DCAF8: variants seen among roughly 807,000 people sequenced by gnomAD.
DCAF8 encodes the protein DDB1 and CUL4 associated factor 8, also known as DDB1- and CUL4-associated factor 8.
A neutral mutation model predicts 68.0 loss-of-function variants in DCAF8; 20 were observed. The observed-to-expected ratio is 0.29, with a 90% CI of 0.21 to 0.43. DCAF8 has a LOEUF of 0.43. Ranked by LOEUF, DCAF8 falls within the 20% of genes least tolerant of loss-of-function variation. DCAF8 has a pLI of 1.00. For missense variants in DCAF8, 460 were observed against 771.0 expected (o/e 0.60, Z 4.78); for synonymous variants, 230 against 276.9 (o/e 0.83, Z 1.68).
intron 7 of DCAF8, among the ~76,000 whole-genome samples, chr1:160,228,884 A>C (rs1161126840): frequency 1.3e-5 from 2 of 152,222 alleles, no homozygotes; most frequent in Non-Finnish European, 2.9e-5. Flanking sequence ...AGAAAGGAGA[A>C]ACCTCAAAAC....
intron 2 of DCAF8, among the ~76,000 whole-genome samples, chr1:160,244,372 G>A (rs1279843936): frequency 2.6e-5 from 4 of 152,182 alleles, no homozygotes; most frequent in Admixed American, 6.5e-5. Context: ...GGTACTGCAA[G>A]CCAAGAGTCT....
intron 11 of DCAF8, among the ~76,000 whole-genome samples, chr1:160,221,425 G>A (rs1184816275): frequency 6.6e-6 from 1 of 152,138 alleles, no homozygotes; most frequent in Non-Finnish European, 1.5e-5. Flanking sequence ...CTCTCCATTT[G>A]TATTCAAACC....
intron 4 of DCAF8, chr1:160,239,365 T>C: frequency 7.4e-7 from 1 of 1,354,432 alleles, no homozygotes; most frequent in Non-Finnish European, 9.6e-7. Flanking sequence ...TTGGCCAAGA[T>C]CACTGAGCTA....
At chr1:160,254,717 A>C (rs1352332347) in intron 2 of DCAF8, among the ~76,000 whole-genome samples, 2 of 152,082 alleles carry the variant, frequency 1.3e-5, no homozygotes, top group African/African-American at 4.8e-5. Flanking sequence ...CTTGAACCCG[A>C]GAGGGGAAGG....
intron 2 of DCAF8, among the ~76,000 whole-genome samples, chr1:160,258,686 T>A (rs1656938219): frequency 6.6e-6 from 1 of 151,196 alleles, no homozygotes; most frequent in Admixed American, 6.6e-5. Context: ...TCAGCTGAGG[T>A]GGGAAGATCA....
intron 6 of DCAF8, among the ~76,000 whole-genome samples, chr1:160,236,420 ATG>A (rs1013519530): frequency 4.0e-5 from 6 of 151,302 alleles, no homozygotes; most frequent in African/African-American, 1.5e-4. Context: ...GTGTGTATAT[ATG>A]TGTGTGTGTA....
At chr1:160,250,190 G>A (rs1249553334) in intron 2 of DCAF8, among the ~76,000 whole-genome samples, 21 of 152,158 alleles carry the variant, frequency 1.4e-4, no homozygotes, top group Non-Finnish European at 1.0e-4. Context: ...GCAGGCCGGC[G>A]CAGTGGCTCA....
intron 2 of DCAF8, among the ~76,000 whole-genome samples, chr1:160,259,955 C>A (rs993049978): frequency 6.6e-6 from 1 of 152,034 alleles, no homozygotes; most frequent in African/African-American, 2.4e-5. Flanking sequence ...TGGGCACTTA[C>A]AAAGGACACG....
intron 3 of DCAF8, among the ~76,000 whole-genome samples, chr1:160,243,312 T>C (rs1194547306): frequency 6.7e-6 from 1 of 148,898 alleles, no homozygotes; most frequent in African/African-American, 2.5e-5. Context: ...AGGAAATAAA[T>C]GGAAAGAAGG....
At position 160,218,339 on chromosome 1, in the gene DCAF8, C is replaced by G. The variant is rs1322958642; in HGVS notation, c.1662G>C (p.Gln554His). The change falls in exon 13 of 14, where the codon CAG becomes CAC. Residue 554 changes from glutamine (Q) to histidine (H), a missense_variant. By Grantham distance (24) the Gln-to-His change is conservative. Transcript: ENST00000368074. ...CCTAGCTTACCCGGTGATGGCGTCT[C>G]TGTCTCAGGTGATGCATAAGGAACC... ...MLWFLMHHLR[Q>H]RRHHRRWREP... 3 of 1,614,026 alleles carry G rather than the reference C, an allele frequency of 1.9e-6. No homozygotes were observed. The highest frequency in any genetic ancestry group is 2.5e-6 in the Non-Finnish European group (3 of 1,179,852).
At chr1:160,226,619 A>C (rs954680870) in intron 7 of DCAF8, among the ~76,000 whole-genome samples, 1 of 152,138 alleles carries the variant, frequency 6.6e-6, no homozygotes, top group African/African-American at 2.4e-5. Flanking sequence ...CTAATTTCTC[A>C]ACCTCTTCCT....
chr1:160,242,037 G>T (rs996119887), intron 3 of DCAF8, among the ~76,000 whole-genome samples: 4 of 152,152 alleles, frequency 2.6e-5, no homozygotes, highest in Non-Finnish European at 4.4e-5. Context: ...AAGGTCAGGA[G>T]TTCAAGACCA....
At chr1:160,255,986 A>C (rs1168480793) in intron 2 of DCAF8, among the ~76,000 whole-genome samples, 1 of 144,804 alleles carries the variant, frequency 6.9e-6, no homozygotes, top group Non-Finnish European at 1.5e-5. Context: ...CTTAAGTGTT[A>C]ATTTCCAGCA....
chr1:160,239,324 A>T, intron 4 of DCAF8: 1 of 1,212,596 alleles, frequency 8.2e-7, no homozygotes, highest in Non-Finnish European at 1.1e-6. Context: ...GTCCCATTTT[A>T]CAGATAAACT....
At chr1:160,223,802 G>A (rs1043812736) in intron 10 of DCAF8, among the ~76,000 whole-genome samples, 2 of 152,216 alleles carry the variant, frequency 1.3e-5, no homozygotes, top group Non-Finnish European at 2.9e-5. Context: ...CGAGGCTGAA[G>A]TGGGAAGATC....
chr1:160,258,856 G>A (rs1361963117), intron 2 of DCAF8, among the ~76,000 whole-genome samples: 10 of 152,178 alleles, frequency 6.6e-5, no homozygotes, highest in Admixed American at 6.5e-4. Flanking sequence ...TTCTTACCCA[G>A]CACATAAGGA....
chr1:160,235,076 T>C (rs1476335397), intron 6 of DCAF8, among the ~76,000 whole-genome samples: 1 of 152,200 alleles, frequency 6.6e-6, no homozygotes, highest in Non-Finnish European at 1.5e-5. Flanking sequence ...TTATGTCCTA[T>C]GTAAATCATT....
At chr1:160,239,409 G>C in intron 4 of DCAF8, 2 of 1,417,842 alleles carry the variant, frequency 1.4e-6, no homozygotes, top group Non-Finnish European at 1.8e-6. Flanking sequence ...AACTCAGGCA[G>C]TTTGGTTCAA....
intron 3 of DCAF8, 57 bp from the exon 4 acceptor site, chr1:160,240,427 G>T: frequency 1.3e-6 from 2 of 1,482,806 alleles, no homozygotes; most frequent in South Asian, 2.6e-5. Context: ...ACAGGATAGT[G>T]ACCACCTTAG....
Sources: gnomAD v4.1 joint callset for allele counts (sites outside exome capture counted in the v4.1 genomes callset) on GRCh38, gnomAD v4.1.1 for gene constraint, MANE v1.5 for transcripts, NCBI Gene and HGNC (gene_info 2026-07-23, HGNC 2026-07-21) for gene names.